Variants in CSMD1 observed in about 807,000 individuals in gnomAD.
The protein encoded by CSMD1 is CUB and sushi domain-containing protein 1.
A neutral mutation model predicts 417.5 loss-of-function variants in CSMD1; 213 were observed. The ratio of observed to expected loss-of-function variants is 0.51; its 90% CI spans 0.46 to 0.57. CSMD1 has a LOEUF of 0.57. CSMD1 is among the 20% of genes least tolerant of loss of function. The pLI, the probability that CSMD1 is intolerant of heterozygous loss-of-function variation, is 0.00. For missense variants in CSMD1, 6,923 were observed against 4,529.7 expected, an observed-to-expected ratio of 1.53 and a Z score of -15.17; for synonymous variants, 2,862 against 1,736.8, an observed-to-expected ratio of 1.65 and a Z score of -16.11.
At position 4,424,911 on chromosome 8, in the gene CSMD1, ATAAT is replaced by A. The variant is rs1797457783; in HGVS notation, c.303-4850_303-4847del. Reference sequence around the variant, plus strand: ...TGAATCTATAATGATCTCACATTAAATAATTAAATACATTGGAAAGGTTGAGACT... The same window carrying A: ...TGAATCTATAATGATCTCACATTAAATAAATACATTGGAAAGGTTGAGACT... On this transcript the variant is annotated intron_variant, in intron 2 of 69. Transcript: ENST00000635120. Among the ~76,000 whole-genome samples, 4 of 152,266 alleles carry A rather than the reference ATAAT, an allele frequency of 2.6e-5. No individual in the cohort carries two copies. The South Asian group carries it at 8.3e-4, about 32-fold the overall frequency.
In CSMD1 at chr8:4,073,893, A is replaced by G. The variant is rs80129974; in HGVS notation, c.416-41794T>C. ...TATAGTCAATAACTAGTCTACAGCT[A>G]TACAAATATTTCAAGTAGTCTTAAT... On this transcript the variant is annotated intron_variant, in intron 3 of 69. Transcript: ENST00000635120. Among the ~76,000 whole-genome samples, 579 of 152,280 alleles carry G rather than the reference A, an allele frequency of 3.8e-3. 14 individuals carry two copies. In the East Asian group the frequency reaches 0.06, roughly 16 times the overall value.
At chr8:3,419,095 G>C (rs2166708) in intron 12 of CSMD1, among the ~76,000 whole-genome samples, 8 of 152,172 alleles carry the variant, frequency 5.3e-5, no homozygotes, top group African/African-American at 7.2e-5. Context: ...ACGCCAGCTA[G>C]GAACCTCATG....
chr8:3,781,328 T>G (rs1563073454), intron 5 of CSMD1, among the ~76,000 whole-genome samples: 1 of 152,168 alleles, frequency 6.6e-6, no homozygotes, highest in African/African-American at 2.4e-5. Flanking sequence ...GTTCTTTTCA[T>G]TCTTTACTCA....
intron 10 of CSMD1, among the ~76,000 whole-genome samples, chr8:3,560,795 A>T (rs1052973295): frequency 3.3e-5 from 5 of 152,208 alleles, no homozygotes; most frequent in Admixed American, 1.3e-4. Flanking sequence ...GACCCTATCG[A>T]GCTAGAGAAA....
intron 1 of CSMD1, among the ~76,000 whole-genome samples, chr8:4,721,182 C>G (rs552211850): frequency 6.6e-6 from 1 of 152,272 alleles, no homozygotes; most frequent in African/African-American, 2.4e-5. Context: ...CTATTGCGAT[C>G]CATATACTTT....
intron 1 of CSMD1, among the ~76,000 whole-genome samples, chr8:4,649,107 C>G (rs556786693): frequency 3.9e-5 from 6 of 152,138 alleles, no homozygotes; most frequent in Non-Finnish European, 8.8e-5. Context: ...CATTGATACA[C>G]CTGTCATTAT....
chr8:3,665,177 C>A (rs1409065056), intron 7 of CSMD1, among the ~76,000 whole-genome samples: 1 of 152,050 alleles, frequency 6.6e-6, no homozygotes, highest in Non-Finnish European at 1.5e-5. Context: ...ATTACTGGAA[C>A]AATATTAGGT....
chr8:3,172,066 A>C (rs1189164846), intron 37 of CSMD1, among the ~76,000 whole-genome samples: 2 of 152,238 alleles, frequency 1.3e-5, no homozygotes, highest in African/African-American at 2.4e-5. Context: ...TCCCTTATGC[A>C]GTAAATCGAG....
At chr8:4,877,893 C>T (rs1056024409) in intron 1 of CSMD1, among the ~76,000 whole-genome samples, 42 of 152,036 alleles carry the variant, frequency 2.8e-4, no homozygotes, top group African/African-American at 9.9e-4. Flanking sequence ...CAAGGAACAT[C>T]ATTGAGAAGG....
At chr8:4,634,726 A>C (rs1009518180) in intron 2 of CSMD1, among the ~76,000 whole-genome samples, 4 of 152,194 alleles carry the variant, frequency 2.6e-5, no homozygotes, top group Non-Finnish European at 4.4e-5. Context: ...CCCTTTCCCG[A>C]TTAATTAGAA....
At chr8:3,388,629 T>G (rs999519215) in intron 17 of CSMD1, among the ~76,000 whole-genome samples, 6 of 152,216 alleles carry the variant, frequency 3.9e-5, no homozygotes, top group African/African-American at 9.6e-5. Flanking sequence ...TTTCCAAAAT[T>G]TGAGTGCTAT....
chr8:3,749,895 T>C (rs1031499310), intron 6 of CSMD1, among the ~76,000 whole-genome samples: 1 of 152,208 alleles, frequency 6.6e-6, no homozygotes, highest in Non-Finnish European at 1.5e-5. Context: ...GGACATTCTC[T>C]GTACCTATTG....
intron 50 of CSMD1, among the ~76,000 whole-genome samples, chr8:3,040,969 AGT>A (rs1273411924): frequency 2.0e-5 from 3 of 152,200 alleles, no homozygotes; most frequent in Non-Finnish European, 2.9e-5. Flanking sequence ...CAGAAGTTCC[AGT>A]GTCATATTTC....
chr8:3,058,289 T>C (rs534222729), intron 49 of CSMD1, among the ~76,000 whole-genome samples: 2 of 152,334 alleles, frequency 1.3e-5, no homozygotes, highest in East Asian at 1.9e-4. Flanking sequence ...AAATTACTAG[T>C]ACTTTAAAAA....
chr8:4,310,984 A>G (rs1047902904), intron 3 of CSMD1, among the ~76,000 whole-genome samples: 1 of 152,248 alleles, frequency 6.6e-6, no homozygotes, highest in Non-Finnish European at 1.5e-5. Context: ...ATGGCTACTG[A>G]AAAGTACAAA....
chr8:3,828,402 T>C (rs1295615217), intron 5 of CSMD1, among the ~76,000 whole-genome samples: 3 of 152,038 alleles, frequency 2.0e-5, no homozygotes, highest in South Asian at 4.1e-4. Context: ...CGTTACCATA[T>C]TGTCATATTG....
chr8:3,236,490 G>A (rs1563170368), intron 26 of CSMD1, among the ~76,000 whole-genome samples: 1 of 152,162 alleles, frequency 6.6e-6, no homozygotes, highest in Non-Finnish European at 1.5e-5. Context: ...CATCGGTTGG[G>A]TCTTTGAAAC....
At chr8:4,451,325 G>A (rs571522616) in intron 2 of CSMD1, among the ~76,000 whole-genome samples, 4 of 152,276 alleles carry the variant, frequency 2.6e-5, no homozygotes, top group African/African-American at 4.8e-5. Context: ...ACTCCAGCCT[G>A]GGCAACAAAG....
chr8:4,769,377 G>A (rs1399381591), intron 1 of CSMD1, among the ~76,000 whole-genome samples: 15 of 152,168 alleles, frequency 9.9e-5, no homozygotes, highest in Admixed American at 9.8e-4. Flanking sequence ...AGGGAATTAT[G>A]CATGAGGAGC....
Sources: gnomAD v4.1 joint callset for allele counts (sites outside exome capture counted in the v4.1 genomes callset) on GRCh38, gnomAD v4.1.1 for gene constraint, MANE v1.5 for transcripts, NCBI Gene and HGNC (gene_info 2026-07-23, HGNC 2026-07-21) for gene names.